GPHN: variants seen among roughly 807,000 people sequenced by gnomAD.
GPHN encodes gephyrin.
Under a neutral mutation model 95.5 loss-of-function variants are expected in GPHN, and 17 were observed. That is an observed-to-expected ratio of 0.18 (90% CI 0.12 to 0.27). The LOEUF is 0.27. Ranked by LOEUF, GPHN falls within the 10% of genes least tolerant of loss-of-function variation. The pLI, the probability that GPHN is intolerant of heterozygous loss-of-function variation, is 1.00. For synonymous variants in GPHN, 320 were observed against 322.5 expected, an observed-to-expected ratio of 0.99 and a Z score of 0.08; for missense variants, 660 against 978.1, an observed-to-expected ratio of 0.67 and a Z score of 4.34.
intron 9 of GPHN, among the ~76,000 whole-genome samples, chr14:67,000,313 G>C (rs117470018): frequency 0.012 from 1,822 of 151,650 alleles, 19 homozygotes; most frequent in Non-Finnish European, 0.018. Flanking sequence ...GAGAAGAAAG[G>C]TAAATGAACT....
the GPHN span, chr14:67,347,500 C>CT: frequency 0.078 from 100,627 of 1,283,866 alleles, 3,309 homozygotes; most frequent in East Asian, 0.24. Context: ...TTTAAGTTCT[C>CT]TCTTTTTTTT....
At chr14:66,612,128 C>A (rs900866154) in intron 1 of GPHN, among the ~76,000 whole-genome samples, 2 of 151,920 alleles carry the variant, frequency 1.3e-5, no homozygotes, top group African/African-American at 4.8e-5. Flanking sequence ...TCTGAAATGG[C>A]CTTTCTTCAG....
intron 5 of GPHN, among the ~76,000 whole-genome samples, chr14:66,912,765 T>C (rs72730411): frequency 0.024 from 3,679 of 152,260 alleles, 70 homozygotes; most frequent in Non-Finnish European, 0.036. Context: ...TAAGGAAAGA[T>C]GGACCAAATA....
intron 2 of GPHN, among the ~76,000 whole-genome samples, chr14:66,731,152 TTTC>T (rs2071732214): frequency 6.6e-6 from 1 of 152,188 alleles, no homozygotes. Context: ...TTAAACCTCT[TTTC>T]TTTATAAATT....
the GPHN span, chr14:67,593,604 T>C: frequency 1.3e-5 from 8 of 600,342 alleles, no homozygotes; most frequent in Non-Finnish European, 2.4e-5. Context: ...GAAAACCTGC[T>C]GCATCTCTTT....
intron 10 of GPHN, among the ~76,000 whole-genome samples, chr14:67,029,485 G>A (rs2074084249): frequency 2.0e-5 from 3 of 151,976 alleles, no homozygotes; most frequent in Middle Eastern, 3.2e-3. Context: ...TTACAGGCAT[G>A]CGCCACCACA....
At chr14:66,983,303 A>G (rs2070804156) in intron 9 of GPHN, among the ~76,000 whole-genome samples, 1 of 152,208 alleles carries the variant, frequency 6.6e-6, no homozygotes, top group South Asian at 2.1e-4. Context: ...AATTTCTTTT[A>G]TGTATACTAC....
At chr14:67,287,799 G>A in the GPHN span, among the ~76,000 whole-genome samples, 23,551 of 152,116 alleles carry the variant, frequency 0.15, 3,442 homozygotes, top group East Asian at 0.42. Flanking sequence ...GCTACATGGC[G>A]TAGCAAAATA....
In GPHN at chr14:66,726,245, A is replaced by G. The variant is rs143477010; in HGVS notation, c.143+45060A>G. 9.6e-3 allele frequency among the ~76,000 whole-genome samples: 1,465 copies of G among 152,320 alleles called. 11 individuals are homozygous for G. The highest frequency in any genetic ancestry group is 0.014 in the Non-Finnish European group (969 of 68,020). On this transcript the variant is annotated intron_variant, in intron 2 of 22. Coordinates refer to ENST00000478722, the MANE Select transcript of GPHN (RefSeq NM_020806.5). ...TGTACTTTCCTTTTAGCTTTATTTC[A>G]GAAAAATGTGGAATAATTTACACTT... is the stretch of plus-strand genomic sequence containing the variant.
chr14:66,649,347 C>T (rs891622895), intron 1 of GPHN, among the ~76,000 whole-genome samples: 1 of 150,850 alleles, frequency 6.6e-6, no homozygotes, highest in Non-Finnish European at 1.5e-5. Flanking sequence ...AAAAAAAAAA[C>T]AAAAACAAGC....
At chr14:66,785,879 A>G (rs1344954874) in intron 3 of GPHN, among the ~76,000 whole-genome samples, 2 of 152,150 alleles carry the variant, frequency 1.3e-5, no homozygotes, top group African/African-American at 2.4e-5. Context: ...TAACACATCA[A>G]AAAATCTGTA....
the GPHN span, among the ~76,000 whole-genome samples, chr14:67,564,813 C>T: frequency 1.5e-4 from 22 of 148,706 alleles, no homozygotes; most frequent in African/African-American, 2.5e-4. Context: ...CTCAGCCTCC[C>T]GAGTAGCTGG....
chr14:67,385,679 G>C, the GPHN span: 2 of 129,546 alleles, frequency 1.5e-5, no homozygotes, highest in Non-Finnish European at 3.2e-5. Flanking sequence ...TTTTTTTTTG[G>C]CAAATGGTGT....
chr14:67,160,903 A>G (rs1270546077), intron 19 of GPHN, among the ~76,000 whole-genome samples: 1 of 152,228 alleles, frequency 6.6e-6, no homozygotes, highest in Non-Finnish European at 1.5e-5. Flanking sequence ...CTTTGTCCAC[A>G]ATTTGATAGA....
chr14:66,842,547 C>A (rs1396675326), intron 4 of GPHN: 1 of 637,184 alleles, frequency 1.6e-6, no homozygotes, highest in Non-Finnish European at 2.7e-6. Flanking sequence ...GAAATGGTTT[C>A]ATTCTGAGGA....
rs1555466198 is a variant in GPHN at position 67,022,568 on chromosome 14, G to GTTGTGTGTGTGT, written c.964-1065_964-1064insTTGTGTGTGTGT. Among the ~76,000 whole-genome samples, 31 of 20,880 alleles carry GTTGTGTGTGTGT rather than the reference G, an allele frequency of 1.5e-3. 1 individual carries two copies. Among genetic ancestry groups the GTTGTGTGTGTGT allele is most frequent in the Non-Finnish European group, 2.6e-3 (30 of 11,352 alleles). The allele number at this position is 20,880 out of a possible 152,430, so 13.7% of individuals were successfully genotyped here. On this transcript the variant is annotated intron_variant, in intron 9 of 22. Transcript: ENST00000478722. ...TTTTTTTTTTTTTTTTTTTTTTTTTGGTGTGTGTGTGTGTGTGTGTGTGTG... is the reference window on the plus strand; with the variant it reads ...TTTTTTTTTTTTTTTTTTTTTTTTTGTTGTGTGTGTGTGTGTGTGTGTGTGTGTGTGTGTGTG...
At chr14:67,035,494 G>C (rs927621793) in intron 10 of GPHN, among the ~76,000 whole-genome samples, 1 of 151,744 alleles carries the variant, frequency 6.6e-6, no homozygotes, top group African/African-American at 2.4e-5. Flanking sequence ...CAAACTCTTA[G>C]CTAGACAGAC....
chr14:67,302,849 G>A, the GPHN span, among the ~76,000 whole-genome samples: 1 of 152,060 alleles, frequency 6.6e-6, no homozygotes, highest in Non-Finnish European at 1.5e-5. Context: ...TTTATTGAGT[G>A]CCTAATATGC....
chr14:66,997,228 G>A (rs752869255), intron 9 of GPHN, among the ~76,000 whole-genome samples: 21 of 152,102 alleles, frequency 1.4e-4, no homozygotes, highest in Admixed American at 7.2e-4. Context: ...TTAGCCAGAC[G>A]TGGTGGCGCA....
Sources: allele counts gnomAD v4.1 joint callset (sites outside exome capture counted in the v4.1 genomes callset), GRCh38; gene constraint gnomAD v4.1.1; transcripts MANE v1.5; gene names NCBI Gene and HGNC (gene_info 2026-07-23, HGNC 2026-07-21).